PLA2R1: variants seen among roughly 807,000 people sequenced by gnomAD.
The protein encoded by PLA2R1 is secretory phospholipase A2 receptor.
Under a neutral mutation model 195.9 loss-of-function variants are expected in PLA2R1, and 158 were observed. The ratio of observed to expected loss-of-function variants is 0.81; its 90% CI spans 0.71 to 0.92. PLA2R1 has a LOEUF of 0.92. PLA2R1 is among the 40% of genes least tolerant of loss of function. The pLI, the probability that PLA2R1 is intolerant of heterozygous loss-of-function variation, is 0.00. For missense variants in PLA2R1, 1,626 were observed against 1,764.6 expected, an observed-to-expected ratio of 0.92 and a Z score of 1.41; for synonymous variants, 586 against 598.2, an observed-to-expected ratio of 0.98 and a Z score of 0.30.
chr2:160,043,803 C>A (rs1694693497), intron 2 of PLA2R1, among the ~76,000 whole-genome samples: 2 of 152,174 alleles, frequency 1.3e-5, no homozygotes, highest in Non-Finnish European at 2.9e-5. Context: ...AAATGCCTGG[C>A]CCTTGGCTCT....
downstream of PLA2R1, among the ~76,000 whole-genome samples, chr2:159,930,113 G>T (rs1285043277): frequency 4.6e-5 from 7 of 152,076 alleles, no homozygotes; most frequent in Non-Finnish European, 1.0e-4. Context: ...AGGGATAAAA[G>T]ACTACACATT....
chr2:160,016,263 C>CAAAAA (rs11396932), intron 9 of PLA2R1, among the ~76,000 whole-genome samples: 3 of 103,138 alleles, frequency 2.9e-5, no homozygotes, highest in African/African-American at 1.2e-4. Context: ...GACTCTGTCT[C>CAAAAA]AAAAAAAAAA....
intron 7 of PLA2R1, 117 bp downstream of exon 7, chr2:160,022,548 T>C: frequency 5.8e-6 from 3 of 512,884 alleles, no homozygotes; most frequent in Non-Finnish European, 1.0e-5. Flanking sequence ...AAACTTTAAA[T>C]ATATGTGCAA....
Position 159,941,757 on chromosome 2 carries a change from T to C in PLA2R1, c.*21A>G. The C allele has an allele frequency of 7.5e-7, 1 of 1,327,422 alleles. No homozygotes were observed. The highest frequency in any genetic ancestry group is 1.2e-5 in the South Asian group (1 of 84,114). The allele number at this position is 1,327,422 out of a possible 1,614,324, so 82.2% of individuals were successfully genotyped here. A position where few individuals can be genotyped will look rare whatever the true frequency, so the allele number is the denominator to read the frequency against. On this transcript the variant is annotated 3_prime_UTR_variant, in exon 30 of 30. Coordinates refer to ENST00000283243, the MANE Select transcript of PLA2R1 (RefSeq NM_007366.5). ...TCTTCTTTACTTACCCTGGTGTCTG[T>C]GGCATTCTCTGACCTCATTATTATT... is the stretch of plus-strand genomic sequence containing the variant.
intron 11 of PLA2R1, among the ~76,000 whole-genome samples, chr2:159,988,762 AGT>A (rs148268524): frequency 0.014 from 2,127 of 152,300 alleles, 43 homozygotes; most frequent in African/African-American, 0.049. Flanking sequence ...TCAGATACTG[AGT>A]ACCTGGCATT....
At chr2:159,960,171 C>T (rs1346468071) in intron 20 of PLA2R1, among the ~76,000 whole-genome samples, 1 of 152,150 alleles carries the variant, frequency 6.6e-6, no homozygotes, top group East Asian at 1.9e-4. Flanking sequence ...GTCATACTCC[C>T]ACCTTGCTGC....
At chr2:159,949,354 T>A (rs1687581579) in intron 25 of PLA2R1, among the ~76,000 whole-genome samples, 1 of 152,226 alleles carries the variant, frequency 6.6e-6, no homozygotes, top group Admixed American at 6.5e-5. Flanking sequence ...TGCACTGCCA[T>A]GTCCTTCAAG....
chr2:159,943,363 T>G (rs906046720), intron 28 of PLA2R1, among the ~76,000 whole-genome samples: 1 of 152,258 alleles, frequency 6.6e-6, no homozygotes, highest in Non-Finnish European at 1.5e-5. Flanking sequence ...AAGACACTTC[T>G]TTTAAATTGA....
Position 159,976,250 on chromosome 2 carries a change from T to C in PLA2R1, c.2438-25A>G, listed in dbSNP as rs369616040. On this transcript the variant is annotated intron_variant, in intron 16 of 29. Coordinates refer to ENST00000283243, the MANE Select transcript of PLA2R1 (RefSeq NM_007366.5). Reference sequence around the variant, plus strand: ...TCTGAAAAAGAAACAGTGAAAATAATGCTGAAATGATAAATAGGTATGCTA... The same window carrying C: ...TCTGAAAAAGAAACAGTGAAAATAACGCTGAAATGATAAATAGGTATGCTA... 44 of 1,558,482 alleles carry C rather than the reference T, an allele frequency of 2.8e-5. No individual in the cohort carries two copies. The African/African-American group carries it at 4.5e-4, about 16-fold the overall frequency.
intron 11 of PLA2R1, 127 bp from the exon 12 acceptor site, chr2:159,987,485 T>C (rs1690436394): frequency 1.5e-6 from 1 of 645,292 alleles, no homozygotes; most frequent in East Asian, 2.7e-5. Flanking sequence ...GCAATCAAGA[T>C]GAAAACGAAT....
intron 1 of PLA2R1, among the ~76,000 whole-genome samples, chr2:160,048,198 T>C (rs1695002800): frequency 6.6e-6 from 1 of 152,240 alleles, no homozygotes; most frequent in African/African-American, 2.4e-5. Flanking sequence ...AATTGGAACT[T>C]CTGTAGTCAC....
At position 160,042,203 on chromosome 2, in the gene PLA2R1, G is replaced by A. The variant is rs1694565497; in HGVS notation, c.494-5C>T. 6.2e-7 allele frequency: 1 copy of A among 1,610,680 alleles called. No individual in the cohort carries two copies. The highest frequency in any genetic ancestry group is 8.5e-7 in the Non-Finnish European group (1 of 1,177,496). ...TCCCTTTGATTGTATGCAAATCTAG[G>A]AGAAAGAAATGTACAAAGTCAGATA... On this transcript the variant is annotated splice_region_variant and splice_polypyrimidine_tract_variant and intron_variant, in intron 2 of 29. Transcript: ENST00000283243.
intron 25 of PLA2R1, among the ~76,000 whole-genome samples, chr2:159,948,544 T>G (rs993692444): frequency 4.6e-5 from 7 of 151,276 alleles, no homozygotes; most frequent in Non-Finnish European, 1.0e-4. Context: ...TCCTTACAAG[T>G]TGAGAAGTTT....
chr2:160,051,830 C>T (rs10929966), intron 1 of PLA2R1, among the ~76,000 whole-genome samples: 45,948 of 152,048 alleles, frequency 0.3, 8,732 homozygotes, highest in Non-Finnish European at 0.42. Context: ...GTGGGCCAGC[C>T]CTTCCTACCT....
At chr2:160,011,137 T>C (rs1210036801) in intron 10 of PLA2R1, among the ~76,000 whole-genome samples, 1 of 152,244 alleles carries the variant, frequency 6.6e-6, no homozygotes, top group Non-Finnish European at 1.5e-5. Flanking sequence ...TATCCAGTTT[T>C]GGGGAAAATG....
chr2:159,924,336 C>T, the PLA2R1 span, among the ~76,000 whole-genome samples: 3 of 152,190 alleles, frequency 2.0e-5, no homozygotes, highest in African/African-American at 7.2e-5. Context: ...AGGTAACATT[C>T]GGATTCCAGG....
In PLA2R1 at chr2:159,990,298, T is replaced by A. The variant is rs371814972; in HGVS notation, c.1835-2940A>T. On this transcript the variant is annotated intron_variant, in intron 11 of 29. Transcript: ENST00000283243. ...AGGTGAATCTCACATTTTAACAGAT[T>A]CTCCTTACCTGCCTTACCCCCACCC... Among the ~76,000 whole-genome samples, 258 of 152,102 alleles carry A rather than the reference T, an allele frequency of 1.7e-3. 7 individuals carry two copies. In the South Asian group the frequency reaches 0.052, roughly 31 times the overall value.
downstream of PLA2R1, among the ~76,000 whole-genome samples, chr2:159,931,471 T>C (rs1305946532): frequency 1.3e-5 from 2 of 152,142 alleles, no homozygotes; most frequent in African/African-American, 2.4e-5. Flanking sequence ...GAGTTTGACA[T>C]TGCAGTGAGC....
intron 17 of PLA2R1, among the ~76,000 whole-genome samples, chr2:159,971,961 C>G (rs1054773370): frequency 2.6e-5 from 4 of 152,210 alleles, no homozygotes; most frequent in African/African-American, 9.6e-5. Flanking sequence ...AGGCTGAATT[C>G]AGATTCCCAT....
Sources: gnomAD v4.1 joint callset for allele counts (sites outside exome capture counted in the v4.1 genomes callset) on GRCh38, gnomAD v4.1.1 for gene constraint, MANE v1.5 for transcripts, NCBI Gene and HGNC (gene_info 2026-07-23, HGNC 2026-07-21) for gene names.